The following IKZF2 variants were observed in gnomAD, a reference collection of about 807,000 sequenced individuals.
IKZF2 encodes the protein zinc finger protein Helios.
Under a neutral mutation model 49.2 loss-of-function variants are expected in IKZF2, and 15 were observed. The observed-to-expected ratio is 0.30, with a 90% CI of 0.20 to 0.47. The LOEUF is 0.47. Ranked by LOEUF, IKZF2 falls within the 20% of genes least tolerant of loss-of-function variation. The probability of loss-of-function intolerance (pLI) is 1.00; values close to 1 mark genes in which losing one functional copy is unlikely to be tolerated. For missense variants in IKZF2, 567 were observed against 664.6 expected, an observed-to-expected ratio of 0.85 and a Z score of 1.61; for synonymous variants, 227 against 221.4, an observed-to-expected ratio of 1.03 and a Z score of -0.23.
chr2:213,087,575 A>G (rs1165833173), intron 4 of IKZF2, among the ~76,000 whole-genome samples: 2 of 152,066 alleles, frequency 1.3e-5, no homozygotes, highest in Non-Finnish European at 2.9e-5. Context: ...TACATGTGCC[A>G]TGTTGGTGTG....
At chr2:213,136,798 G>A (rs1409141156) in intron 4 of IKZF2, among the ~76,000 whole-genome samples, 1 of 152,128 alleles carries the variant, frequency 6.6e-6, no homozygotes, top group African/African-American at 2.4e-5. Flanking sequence ...ACTATATCAA[G>A]TTTTGACGTT....
chr2:213,026,815 T>A (rs1697869512), intron 6 of IKZF2, among the ~76,000 whole-genome samples: 2 of 152,148 alleles, frequency 1.3e-5, no homozygotes, highest in African/African-American at 4.8e-5. Context: ...TTCCCCATTA[T>A]TATGAAATGA....
intron 6 of IKZF2, among the ~76,000 whole-genome samples, 158 bp from the exon 7 acceptor site, chr2:213,022,288 A>G (rs896301409): frequency 6.6e-6 from 1 of 152,194 alleles, no homozygotes; most frequent in Admixed American, 6.5e-5. Context: ...AAAAGATAAT[A>G]CATTTCTACC....
intron 8 of IKZF2, among the ~76,000 whole-genome samples, chr2:213,011,876 T>A (rs1309092968): frequency 6.6e-6 from 1 of 151,824 alleles, no homozygotes; most frequent in African/African-American, 2.4e-5. Flanking sequence ...GACAGTAGGG[T>A]TTCATCAGGA....
chr2:213,116,073 C>A (rs940074769), intron 4 of IKZF2, among the ~76,000 whole-genome samples: 26 of 152,150 alleles, frequency 1.7e-4, no homozygotes, highest in African/African-American at 6.3e-4. Context: ...TATTGACCTT[C>A]TAGTTAATAA....
chr2:213,137,159 A>G (rs577371683), intron 4 of IKZF2, among the ~76,000 whole-genome samples: 6 of 152,240 alleles, frequency 3.9e-5, no homozygotes, highest in Non-Finnish European at 7.4e-5. Context: ...ATCTAAAACT[A>G]TCATTAGGTC....
In IKZF2 at chr2:213,003,417, T is replaced by G. The variant is rs1364098950; in HGVS notation, c.*3943A>C. The G allele has an allele frequency of 6.6e-6, 1 of 151,778 alleles. No individual in the cohort carries two copies. Among genetic ancestry groups the G allele is most frequent in the Non-Finnish European group, 1.5e-5 (1 of 67,710 alleles). The allele number at this position is 151,778 out of a possible 1,614,324, so 9.4% of individuals were successfully genotyped here. ...GAATAGTCTTCATTCAGATAGTATT[T>G]ATTAAAATAATACATAAAATGCAAC... On this transcript the variant is annotated 3_prime_UTR_variant, in exon 9 of 9. Transcript: ENST00000434687.
chr2:213,071,460 G>GT (rs1702694149), intron 4 of IKZF2, among the ~76,000 whole-genome samples: 1 of 152,134 alleles, frequency 6.6e-6, no homozygotes, highest in South Asian at 2.1e-4. Context: ...GTGATAAAAT[G>GT]TGAGTGTTCA....
At chr2:213,121,789 G>T (rs752897826) in intron 4 of IKZF2, among the ~76,000 whole-genome samples, 5 of 152,162 alleles carry the variant, frequency 3.3e-5, no homozygotes, top group Admixed American at 2.0e-4. Context: ...TTTCCATTCT[G>T]AAGAGTTCCT....
intron 4 of IKZF2, among the ~76,000 whole-genome samples, chr2:213,073,777 T>C (rs1273411233): frequency 6.6e-6 from 1 of 152,234 alleles, no homozygotes; most frequent in Non-Finnish European, 1.5e-5. Context: ...TGGCACGATC[T>C]TGGCTCACTG....
chr2:213,086,371 A>G (rs1172819768), intron 4 of IKZF2, among the ~76,000 whole-genome samples: 1 of 152,202 alleles, frequency 6.6e-6, no homozygotes, highest in Non-Finnish European at 1.5e-5. Context: ...ACTAAATACC[A>G]ACAAAATATA....
rs140342051 is a variant in IKZF2 at position 213,104,149 on chromosome 2, A to C, written c.139+43559T>G. Reference sequence around the variant, plus strand: ...AAAACACATTAATAGTACAGTTAAAACAGAATGTGTTAACCTGTCTTCTGA... The same window carrying C: ...AAAACACATTAATAGTACAGTTAAACCAGAATGTGTTAACCTGTCTTCTGA... On this transcript the variant is annotated intron_variant, in intron 4 of 8. Coordinates refer to ENST00000434687, the MANE Select transcript of IKZF2 (RefSeq NM_001387220.1). Among the ~76,000 whole-genome samples, 397 of 152,208 alleles carry C rather than the reference A, an allele frequency of 2.6e-3. 2 individuals carry two copies. In the East Asian group the frequency reaches 0.029, roughly 11 times the overall value.
intron 4 of IKZF2, among the ~76,000 whole-genome samples, chr2:213,103,505 AATGAGT>A (rs1404316345): frequency 1.3e-5 from 2 of 152,220 alleles, no homozygotes; most frequent in Non-Finnish European, 2.9e-5. Flanking sequence ...AGAATGAATG[AATGAGT>A]ATAAGATGGC....
At chr2:213,030,606 T>G (rs912180522) in intron 6 of IKZF2, among the ~76,000 whole-genome samples, 8 of 152,154 alleles carry the variant, frequency 5.3e-5, no homozygotes, top group Non-Finnish European at 8.8e-5. Flanking sequence ...AGAGGTTCTT[T>G]TGGATGTTTA....
chr2:213,049,080 C>T (rs1700437560), intron 6 of IKZF2, among the ~76,000 whole-genome samples: 1 of 151,906 alleles, frequency 6.6e-6, no homozygotes, highest in South Asian at 2.1e-4. Context: ...TTCTTAAAAA[C>T]ATTAAATTTA....
intron 6 of IKZF2, among the ~76,000 whole-genome samples, chr2:213,032,957 G>A (rs897466565): frequency 1.3e-5 from 2 of 152,162 alleles, no homozygotes; most frequent in Admixed American, 6.5e-5. Flanking sequence ...TATTTGATAC[G>A]ATTTTACCCA....
intron 4 of IKZF2, among the ~76,000 whole-genome samples, chr2:213,131,854 C>G (rs558411632): frequency 1.3e-5 from 2 of 152,148 alleles, no homozygotes; most frequent in East Asian, 1.9e-4. Flanking sequence ...AACTGAGAGA[C>G]GTCTCTAATG....
rs778473787 is a variant in IKZF2, at chr2:213,057,101, T to C, written c.140-2A>G. The C allele has an allele frequency of 1.9e-6, 3 of 1,609,126 alleles. No individual in the cohort carries two copies. The highest frequency in any genetic ancestry group is 1.7e-6 in the Non-Finnish European group (2 of 1,178,094). On this transcript the variant is annotated splice_acceptor_variant, in intron 4 of 8. Coordinates refer to ENST00000434687, the MANE Select transcript of IKZF2 (RefSeq NM_001387220.1). LOFTEE classifies it high-confidence loss of function. The stretch of plus-strand genomic sequence containing the variant: ...GCATTTCTAGCTTTACTGAATTTGC[T>C]GTAATTTGAAAAGAAGAAAATAAAT...
At chr2:213,055,297 G>T (rs1004920360) in intron 5 of IKZF2, among the ~76,000 whole-genome samples, 5 of 152,002 alleles carry the variant, frequency 3.3e-5, no homozygotes, top group African/African-American at 1.2e-4. Context: ...CATGAGCGTA[G>T]ATGAAAAGTA....
Sources: gnomAD v4.1 joint callset for allele counts (sites outside exome capture counted in the v4.1 genomes callset) on GRCh38, gnomAD v4.1.1 for gene constraint, MANE v1.5 for transcripts, NCBI Gene and HGNC (gene_info 2026-07-23, HGNC 2026-07-21) for gene names.